TMSB15A: variants seen among roughly 807,000 people sequenced by gnomAD.
TMSB15A encodes the protein thymosin beta 15A.
In TMSB15A, 1 loss-of-function variant was observed where a neutral mutation model predicts 3.2. The ratio of observed to expected loss-of-function variants is 0.32; its 90% confidence interval spans 0.11 to 1.50. The LOEUF (loss-of-function observed/expected upper bound fraction) is 1.50. Among genes scored for constraint, TMSB15A ranks in the 40% most tolerant of loss-of-function variants. TMSB15A has a pLI of 0.39. For synonymous variants in TMSB15A, 10 were observed against 11.2 expected, an observed-to-expected ratio of 0.90 and a Z score of 0.21; for missense variants, 22 against 27.8, an observed-to-expected ratio of 0.79 and a Z score of 0.47.
chrX:102,514,202 T>A lies in TMSB15A; in HGVS notation c.101-78A>T. ...AGTTTCTTTCAAAAGAGCTCCTTGC[T>A]AAGTCATCGAAGTCTGCATACATGC... is the stretch of plus-strand genomic sequence containing the variant. On this transcript the variant is annotated intron_variant, in intron 2 of 2. Transcript: ENST00000289373. The A allele has an allele frequency of 4.5e-6, 5 of 1,120,716 alleles. No individual in the cohort carries two copies. In the Admixed American group the frequency reaches 1.1e-4, roughly 25 times the overall value. 92.4% of individuals were successfully genotyped at this position (1,120,716 alleles called of 1,213,427 possible). A position where few individuals can be genotyped will look rare whatever the true frequency, so the allele number is the denominator to read the frequency against.
At chrX:102,514,175 T>A in intron 2 of TMSB15A, 51 bp from the exon 3 acceptor site, 1 of 1,182,512 alleles carries the variant, frequency 8.5e-7, no homozygotes, top group Non-Finnish European at 1.1e-6. Flanking sequence ...AAGATTAAGT[T>A]CAGTTTCTTT....
intron 2 of TMSB15A, among the ~76,000 whole-genome samples, chrX:102,514,365 C>T (rs984889336): frequency 3.6e-5 from 4 of 112,033 alleles, no homozygotes; most frequent in Admixed American, 1.9e-4. Context: ...GAGATAGAGA[C>T]ATGCTGTTGC....
At chrX:102,515,030 CTG>C (rs781841021) in intron 2 of TMSB15A, 32 bp downstream of exon 2, 2 of 1,194,225 alleles carry the variant, frequency 1.7e-6, no homozygotes, top group East Asian at 3.0e-5. Context: ...ACTTTCTCTA[CTG>C]TGTGTTTCCA....
chrX:102,513,733 T>C lies in TMSB15A; in HGVS notation c.*354A>G, dbSNP rs1200420795. ...CTACATTAGAAATGCAAATAAACTG[T>C]GAAAAGCTGCAAAAGCATGCAACTT... On this transcript the variant is annotated 3_prime_UTR_variant, in exon 3 of 3. Transcript: ENST00000289373. The C allele has an allele frequency of 5.2e-6, 1 of 193,400 alleles. No individual in the cohort carries two copies. The highest frequency in any genetic ancestry group is 9.1e-5 in the East Asian group (1 of 11,023). 15.9% of individuals were successfully genotyped at this position (193,400 alleles called of 1,213,427 possible).
intron 2 of TMSB15A, among the ~76,000 whole-genome samples, chrX:102,514,807 AT>A (rs1267427142): frequency 7.1e-5 from 8 of 111,931 alleles, no homozygotes; most frequent in African/African-American, 1.9e-4. Flanking sequence ...TCCAAGATTG[AT>A]TTTTAAGGTG....
rs1934868053 is a variant in TMSB15A at position 102,513,986 on chromosome X, A to T, written c.*101T>A. On this transcript the variant is annotated 3_prime_UTR_variant, in exon 3 of 3. Coordinates refer to ENST00000289373, the MANE Select transcript of TMSB15A (RefSeq NM_021992.3). ...AACATAGGTGAGAAGATATCCGAAG[A>T]CGCCTAAAATCTCTACAAACACATG... is the stretch of plus-strand genomic sequence containing the variant. 2 of 941,373 alleles carry T rather than the reference A, an allele frequency of 2.1e-6. No homozygotes were observed. Among genetic ancestry groups the T allele is most frequent in the Admixed American group, 4.5e-5 (2 of 44,427 alleles). 77.6% of individuals were successfully genotyped at this position (941,373 alleles called of 1,213,427 possible).
At position 102,514,019 on chromosome X, in the gene TMSB15A, A is replaced by G; in HGVS notation, c.*68T>C. The G allele has an allele frequency of 1.7e-6, 2 of 1,168,782 alleles. No homozygotes were observed. The highest frequency in any genetic ancestry group is 2.3e-6 in the Non-Finnish European group (2 of 856,686). Reference sequence around the variant, plus strand: ...AATCTCTACAAACACATGGGTTTACAAAAAACAAGCCTAAAATCAAGACTC... The same window carrying G: ...AATCTCTACAAACACATGGGTTTACGAAAAACAAGCCTAAAATCAAGACTC... On this transcript the variant is annotated 3_prime_UTR_variant, in exon 3 of 3. Transcript: ENST00000289373.
rs1934881055 is a variant in TMSB15A at position 102,515,175 on chromosome X, G to A, written c.-12C>T. 1 of 1,205,506 alleles carries A rather than the reference G, an allele frequency of 8.3e-7. No homozygotes were observed. The highest frequency in any genetic ancestry group is 1.1e-6 in the Non-Finnish European group (1 of 893,038). Reference sequence around the variant, plus strand: ...GGCTTATCACTCATCTTGACTAGAAGATAGCCTGAAAAGAATAAACATTTT... The same window carrying A: ...GGCTTATCACTCATCTTGACTAGAAAATAGCCTGAAAAGAATAAACATTTT... On this transcript the variant is annotated 5_prime_UTR_variant, in exon 2 of 3. Coordinates refer to ENST00000289373, the MANE Select transcript of TMSB15A (RefSeq NM_021992.3).
intron 1 of TMSB15A, among the ~76,000 whole-genome samples, chrX:102,515,610 T>C (rs1335453525): frequency 9.0e-6 from 1 of 110,885 alleles, no homozygotes; most frequent in African/African-American, 3.3e-5. Context: ...ATTACTTTTG[T>C]TTTTTGGCAT....
intron 1 of TMSB15A, among the ~76,000 whole-genome samples, 189 bp downstream of exon 1, chrX:102,516,477 G>C (rs1934896769): frequency 8.9e-6 from 1 of 112,615 alleles, no homozygotes; most frequent in African/African-American, 3.2e-5. Context: ...GCTCGGCATC[G>C]AGCGCAGAAG....
At chrX:102,516,249 T>C (rs1390477954) in intron 1 of TMSB15A, among the ~76,000 whole-genome samples, 1 of 112,625 alleles carries the variant, frequency 8.9e-6, no homozygotes, top group Non-Finnish European at 1.9e-5. Context: ...TTGCATACTT[T>C]TAAAAATAAC....
At chrX:102,515,981 C>T (rs1170929950) in intron 1 of TMSB15A, among the ~76,000 whole-genome samples, 4 of 111,043 alleles carry the variant, frequency 3.6e-5, no homozygotes, top group African/African-American at 1.3e-4. Context: ...AATAGGATAT[C>T]CCAGAAATCG....
chrX:102,513,931 C>T lies in TMSB15A; in HGVS notation c.*156G>A. 5.3e-6 allele frequency: 3 copies of T among 569,343 alleles called. No individual in the cohort carries two copies. The highest frequency in any genetic ancestry group is 8.8e-6 in the Non-Finnish European group (3 of 340,601). 46.9% of individuals were successfully genotyped at this position (569,343 alleles called of 1,213,427 possible). A position where few individuals can be genotyped will look rare whatever the true frequency, so the allele number is the denominator to read the frequency against. On this transcript the variant is annotated 3_prime_UTR_variant, in exon 3 of 3. Transcript: ENST00000289373. ...AAGTTTAAAAATGAATTTAAGGAAA[C>T]ATTGGCTACCTCTGACTTCTTAGCC... is the stretch of plus-strand genomic sequence containing the variant.
intron 1 of TMSB15A, 57 bp downstream of exon 1, chrX:102,516,609 C>G (rs1197133876): frequency 8.8e-6 from 1 of 113,244 alleles, no homozygotes; most frequent in African/African-American, 3.2e-5. Flanking sequence ...GCCTCGCAAC[C>G]CTGACGCCTT....
chrX:102,515,031 T>G lies in TMSB15A; in HGVS notation c.100+33A>C, dbSNP rs782130260. The G allele has an allele frequency of 3.3e-6, 4 of 1,197,066 alleles. No homozygotes were observed. The South Asian group carries it at 7.2e-5, about 22-fold the overall frequency. ...TACTGAACCTATTAACTTTCTCTAC[T>G]GTGTGTTTCCACTAGAACCCCCCAT... On this transcript the variant is annotated intron_variant, in intron 2 of 2. Coordinates refer to ENST00000289373, the MANE Select transcript of TMSB15A (RefSeq NM_021992.3).
At position 102,515,078 on chromosome X, in the gene TMSB15A, A is replaced by G; in HGVS notation, c.86T>C (p.Leu29Pro). ...KKTNTEEKNTLPSKETIQQEK... is the reference protein window; with the variant it reads ...KKTNTEEKNTPPSKETIQQEK... ...CCATGACTTACTTTCCTTTGAGGGA[A>G]GAGTATTTTTTTCTTCAGTATTAGT... The change falls in exon 2 of 3, where the codon CTT becomes CCT. Residue 29 changes from leucine to proline, a missense_variant. Transcript: ENST00000289373. 8.3e-7 allele frequency: 1 copy of G among 1,211,063 alleles called. No homozygotes were observed. Among genetic ancestry groups the G allele is most frequent in the East Asian group, 3.0e-5 (1 of 33,819 alleles).
rs1460388284 is a variant in TMSB15A at position 102,515,631 on chromosome X, G to C, written c.-17-451C>G. Reference sequence around the variant, plus strand: ...TTTGTTTTTTGGCATTTTTTTTTAGGAGACGGGGAGCAGCACAAAAAAAAA... The same window carrying C: ...TTTGTTTTTTGGCATTTTTTTTTAGCAGACGGGGAGCAGCACAAAAAAAAA... On this transcript the variant is annotated intron_variant, in intron 1 of 2. Coordinates refer to ENST00000289373, the MANE Select transcript of TMSB15A (RefSeq NM_021992.3). Among the ~76,000 whole-genome samples, 27 of 108,148 alleles carry C rather than the reference G, an allele frequency of 2.5e-4. No homozygotes were observed. In the Admixed American group the frequency reaches 2.6e-3, roughly 11 times the overall value. 93.9% of individuals were successfully genotyped at this position (108,148 alleles called of 115,157 possible).
chrX:102,516,505 A>T (rs983215613), intron 1 of TMSB15A, among the ~76,000 whole-genome samples, 161 bp downstream of exon 1: 14 of 112,965 alleles, frequency 1.2e-4, no homozygotes, highest in Non-Finnish European at 2.1e-4. Flanking sequence ...CCTGGAAGAC[A>T]AAGGCGCGGA....
chrX:102,513,876 T>C lies in TMSB15A; in HGVS notation c.*211A>G. On this transcript the variant is annotated 3_prime_UTR_variant, in exon 3 of 3. Coordinates refer to ENST00000289373, the MANE Select transcript of TMSB15A (RefSeq NM_021992.3). ...ATCAATGGTGAGATTATTGACAGCA[T>C]CTGCCATCTGGAACATATGCACCAA... 1 of 449,435 alleles carries C rather than the reference T, an allele frequency of 2.2e-6. No individual in the cohort carries two copies. Among genetic ancestry groups the C allele is most frequent in the Non-Finnish European group, 3.9e-6 (1 of 253,295 alleles). 37.0% of individuals were successfully genotyped at this position (449,435 alleles called of 1,213,427 possible).
Sources: gnomAD v4.1 joint callset for allele counts (sites outside exome capture counted in the v4.1 genomes callset) on GRCh38, gnomAD v4.1.1 for gene constraint, MANE v1.5 for transcripts, NCBI Gene and HGNC (gene_info 2026-07-23, HGNC 2026-07-21) for gene names.